PDE9A: variants seen among roughly 807,000 people sequenced by gnomAD.
PDE9A encodes the protein phosphodiesterase 9A, also known as high affinity cGMP-specific 3',5'-cyclic phosphodiesterase 9A.
A neutral mutation model predicts 87.4 loss-of-function variants in PDE9A; 60 were observed. The observed-to-expected ratio is 0.69, with a 90% CI of 0.56 to 0.85. PDE9A has a LOEUF of 0.85. PDE9A is among the 40% of genes least tolerant of loss of function. PDE9A has a pLI of 0.00. For synonymous variants in PDE9A, 272 were observed against 279.4 expected, an observed-to-expected ratio of 0.97 and a Z score of 0.27; for missense variants, 665 against 779.0, an observed-to-expected ratio of 0.85 and a Z score of 1.74.
chr21:42,679,946 G>A (rs764926742), intron 1 of PDE9A, among the ~76,000 whole-genome samples: 29 of 152,226 alleles, frequency 1.9e-4, no homozygotes, highest in Non-Finnish European at 7.3e-5. Context: ...GAAGATCTGC[G>A]TTGCTGCAGA....
intron 17 of PDE9A, among the ~76,000 whole-genome samples, chr21:42,770,300 G>A (rs1018475742): frequency 4.0e-5 from 6 of 151,846 alleles, no homozygotes; most frequent in East Asian, 3.9e-4. Flanking sequence ...CACACCCTCC[G>A]ACCTTCCTGG....
chr21:42,769,585 G>A (rs1361930318), intron 17 of PDE9A, among the ~76,000 whole-genome samples: 8 of 88,984 alleles, frequency 9.0e-5, no homozygotes, highest in Admixed American at 4.7e-4. Context: ...CATGCACACA[G>A]GTACACACAG....
chr21:42,677,844 C>T (rs2058940584), intron 1 of PDE9A, among the ~76,000 whole-genome samples: 1 of 152,164 alleles, frequency 6.6e-6, no homozygotes, highest in African/African-American at 2.4e-5. Context: ...GATTTCGCCA[C>T]ACTGGCCAGG....
intron 1 of PDE9A, among the ~76,000 whole-genome samples, chr21:42,661,473 A>C (rs2057484073): frequency 6.6e-6 from 1 of 151,430 alleles, no homozygotes; most frequent in East Asian, 1.9e-4. Context: ...ACCTCACAGA[A>C]GTGGAATCAC....
At chr21:42,657,071 G>A (rs184328225) in intron 1 of PDE9A, among the ~76,000 whole-genome samples, 29 of 152,384 alleles carry the variant, frequency 1.9e-4, no homozygotes, top group Admixed American at 1.2e-3. Context: ...GGCCAGCCCC[G>A]TGTGGGGCCT....
At chr21:42,774,390 A>G (rs897324745) in intron 19 of PDE9A, among the ~76,000 whole-genome samples, 3 of 152,320 alleles carry the variant, frequency 2.0e-5, no homozygotes, top group African/African-American at 4.8e-5. Context: ...GCCAGAGGCA[A>G]TAATACCATT....
At chr21:42,736,878 A>T (rs1602357993) in intron 7 of PDE9A, among the ~76,000 whole-genome samples, 1 of 151,830 alleles carries the variant, frequency 6.6e-6, no homozygotes, top group African/African-American at 2.4e-5. Context: ...ATGGCTCCCC[A>T]CTCTCCAGCG....
At chr21:42,681,783 T>C (rs1018119508) in intron 1 of PDE9A, among the ~76,000 whole-genome samples, 1 of 152,250 alleles carries the variant, frequency 6.6e-6, no homozygotes, top group East Asian at 1.9e-4. Context: ...CATAAAACTT[T>C]CGTTTTTCCC....
chr21:42,740,632 T>A (rs1165582644), intron 7 of PDE9A, among the ~76,000 whole-genome samples: 1 of 52,364 alleles, frequency 1.9e-5, no homozygotes, highest in Non-Finnish European at 4.6e-5. Flanking sequence ...GATGAATGGA[T>A]ACATAGATGA....
At chr21:42,745,081 C>T (rs959625929) in intron 8 of PDE9A, among the ~76,000 whole-genome samples, 2 of 152,210 alleles carry the variant, frequency 1.3e-5, no homozygotes, top group African/African-American at 4.8e-5. Flanking sequence ...AGCCACCTGG[C>T]ATGCTGACGA....
chr21:42,697,428 C>T, intron 3 of PDE9A: 1 of 1,610,472 alleles, frequency 6.2e-7, no homozygotes, highest in East Asian at 2.2e-5. Flanking sequence ...TGAGCTCATT[C>T]TCTATACATC....
At chr21:42,670,087 AT>A (rs2058314266) in intron 1 of PDE9A, among the ~76,000 whole-genome samples, 1 of 151,992 alleles carries the variant, frequency 6.6e-6, no homozygotes, top group African/African-American at 2.4e-5. Context: ...ACTTACACAC[AT>A]TCTCATACAC....
chr21:42,760,784 A>C lies in PDE9A; in HGVS notation c.1003-41A>C. On this transcript the variant is annotated intron_variant, in intron 12 of 19. Transcript: ENST00000291539. This position sits in a 1 kb window ranked among gnomAD's most constrained non-coding sequence, Gnocchi z 5.2. ...CCCCCTCACCCCATCCCACCCTCCG[A>C]GTGAAGAGAGCAAACACCTACGCCC... 9 of 1,052,052 alleles carry C rather than the reference A, an allele frequency of 8.6e-6. No homozygotes were observed. Among genetic ancestry groups the C allele is most frequent in the East Asian group, 2.6e-5 (1 of 38,780 alleles). 65.2% of individuals were successfully genotyped at this position (1,052,052 alleles called of 1,614,324 possible).
chr21:42,677,023 C>A (rs71320542), intron 1 of PDE9A, among the ~76,000 whole-genome samples: 3,493 of 152,254 alleles, frequency 0.023, 66 homozygotes, highest in South Asian at 0.045. Context: ...TGGGGAGGAG[C>A]AGAGCCCGCT....
intron 4 of PDE9A, among the ~76,000 whole-genome samples, chr21:42,715,915 C>T (rs1327690901): frequency 6.6e-6 from 1 of 151,784 alleles, no homozygotes; most frequent in Admixed American, 6.6e-5. Context: ...GCCACCTATT[C>T]ATCCCTCCCG....
intron 3 of PDE9A, among the ~76,000 whole-genome samples, chr21:42,691,267 A>T (rs1450904697): frequency 1.3e-5 from 2 of 150,284 alleles, no homozygotes; most frequent in East Asian, 3.9e-4. Context: ...TCTCCATCTA[A>T]AGTCACCCAG....
intron 4 of PDE9A, among the ~76,000 whole-genome samples, chr21:42,727,713 T>C: frequency 6.6e-6 from 1 of 152,130 alleles, no homozygotes; most frequent in Non-Finnish European, 1.5e-5. Context: ...GAATTTTGTA[T>C]GCTTTCCACC....
rs1366714490 is a variant in PDE9A at position 42,657,260 on chromosome 21, TC to T, written c.69+3379del. 3.9e-5 allele frequency among the ~76,000 whole-genome samples: 6 copies of T among 152,330 alleles called. No homozygotes were observed. In the East Asian group the frequency reaches 1.2e-3, roughly 29 times the overall value. ...GCACCGGCCTGTTCCCGTCATCTGT[TC>T]CTTGGCTTGCCAGGGTGCACAGATC... On this transcript the variant is annotated intron_variant, in intron 1 of 19. Transcript: ENST00000291539.
Position 42,759,149 on chromosome 21 carries a change from G to A in PDE9A, c.897+64G>A, listed in dbSNP as rs1309772619. The A allele has an allele frequency of 3.4e-6, 4 of 1,183,324 alleles. No individual in the cohort carries two copies. The highest frequency in any genetic ancestry group is 3.8e-6 in the Non-Finnish European group (3 of 793,300). The allele number at this position is 1,183,324 out of a possible 1,614,324, so 73.3% of individuals were successfully genotyped here. ...TGGTTTCATCCAGTTCCACAGGAAT[G>A]GAGGGAATGGATCACCAGGGCACCT... On this transcript the variant is annotated intron_variant, in intron 11 of 19. Coordinates refer to ENST00000291539, the MANE Select transcript of PDE9A (RefSeq NM_002606.3). This position sits in a 1 kb window ranked among gnomAD's most constrained non-coding sequence, Gnocchi z 7.2.
Sources: gnomAD v4.1 joint callset for allele counts (sites outside exome capture counted in the v4.1 genomes callset) on GRCh38, gnomAD v4.1.1 for gene constraint, Gnocchi (gnomAD v3.1) non-coding constraint, MANE v1.5 for transcripts, NCBI Gene and HGNC (gene_info 2026-07-23, HGNC 2026-07-21) for gene names.